DNAH14: variants seen among roughly 807,000 people sequenced by gnomAD.
DNAH14 encodes the protein dynein axonemal heavy chain 14.
A neutral mutation model predicts 520.9 loss-of-function variants in DNAH14; 478 were observed. The observed-to-expected ratio is 0.92, with a 90% CI of 0.85 to 0.99. The LOEUF (loss-of-function observed/expected upper bound fraction) is 0.99. Among genes scored for constraint, DNAH14 ranks in the 50% least tolerant of loss-of-function variants. The pLI is 0.00. For synonymous variants in DNAH14, 1,581 were observed against 1,757.2 expected, an observed-to-expected ratio of 0.90 and a Z score of 2.51; for missense variants, 4,831 against 5,234.5, an observed-to-expected ratio of 0.92 and a Z score of 2.38.
intron 17 of DNAH14, among the ~76,000 whole-genome samples, chr1:225,055,885 A>G (rs1322863917): frequency 6.6e-6 from 1 of 152,122 alleles, no homozygotes; most frequent in African/African-American, 2.4e-5. Context: ...TTATGGCTGC[A>G]TAGTATTCCA....
intron 64 of DNAH14, among the ~76,000 whole-genome samples, chr1:225,327,483 CA>C (rs1242270808): frequency 1.3e-5 from 2 of 152,038 alleles, no homozygotes; most frequent in Non-Finnish European, 2.9e-5. Context: ...CTTAAACAGC[CA>C]GTGGGTCACA....
chr1:225,399,179 T>C lies in DNAH14; in HGVS notation c.13764T>C (p.Phe4588=). The C allele has an allele frequency of 1.3e-6, 2 of 1,551,766 alleles. No individual in the cohort carries two copies. Among genetic ancestry groups the C allele is most frequent in the Non-Finnish European group, 1.7e-6 (2 of 1,147,010 alleles). The change falls in exon 86 of 86, where the codon TTT becomes TTC. Residue 4588 remains phenylalanine, a synonymous_variant. Transcript: ENST00000682510. ...CAACTACCGGTTTACCAACAAACTT[T>C]TTAACATCAGTGTATTTATCAACGA... ...ILATTGLPTN[F]LTSVYLSTKK... is the part of the protein sequence containing the mutation.
chr1:225,307,881 A>G (rs766081778), intron 59 of DNAH14, among the ~76,000 whole-genome samples: 23 of 152,240 alleles, frequency 1.5e-4, no homozygotes, highest in Non-Finnish European at 2.5e-4. Context: ...AATCCATCTG[A>G]AATATGCTGT....
intron 21 of DNAH14, among the ~76,000 whole-genome samples, chr1:225,091,166 A>T (rs892726125): frequency 1.3e-5 from 2 of 152,118 alleles, no homozygotes; most frequent in African/African-American, 4.8e-5. Flanking sequence ...TAGAAAACGT[A>T]TTTCAGGATA....
At chr1:225,314,425 C>T (rs1467701001) in intron 60 of DNAH14, among the ~76,000 whole-genome samples, 3 of 152,128 alleles carry the variant, frequency 2.0e-5, no homozygotes, top group Admixed American at 6.5e-5. Context: ...GGGCATTTAG[C>T]CCATTTACAT....
intron 22 of DNAH14, 43 bp downstream of exon 22, chr1:225,097,282 T>G: frequency 1.4e-6 from 2 of 1,473,916 alleles, no homozygotes; most frequent in Non-Finnish European, 1.8e-6. Context: ...CAAAATGCAT[T>G]GTGAGTAATT....
intron 66 of DNAH14, among the ~76,000 whole-genome samples, chr1:225,335,136 T>G (rs910258346): frequency 4.7e-5 from 6 of 127,188 alleles, no homozygotes; most frequent in African/African-American, 1.9e-4. Context: ...CATATGTGCA[T>G]GTGCACATGT....
At chr1:225,389,239 T>G (rs2095875658) in intron 82 of DNAH14, among the ~76,000 whole-genome samples, 1 of 152,120 alleles carries the variant, frequency 6.6e-6, no homozygotes, top group African/African-American at 2.4e-5. Flanking sequence ...ATTATCATCA[T>G]CCCCATTTTA....
At chr1:225,238,327 G>C (rs939163220) in intron 42 of DNAH14, among the ~76,000 whole-genome samples, 8 of 152,084 alleles carry the variant, frequency 5.3e-5, no homozygotes, top group Admixed American at 2.0e-4. Context: ...TATTCTTGTC[G>C]TTTTCTGTCT....
At chr1:225,281,798 T>A (rs1465163414) in intron 54 of DNAH14, among the ~76,000 whole-genome samples, 2 of 152,096 alleles carry the variant, frequency 1.3e-5, no homozygotes, top group African/African-American at 4.8e-5. Context: ...AAATAGATTG[T>A]GATTAAAAAT....
At chr1:225,287,246 C>T (rs910796178) in intron 54 of DNAH14, among the ~76,000 whole-genome samples, 1 of 151,810 alleles carries the variant, frequency 6.6e-6, no homozygotes, top group African/African-American at 2.4e-5. Context: ...TCTGGTAATC[C>T]CAGGATGAAA....
intron 4 of DNAH14, among the ~76,000 whole-genome samples, chr1:224,964,019 ACT>A (rs2060998948): frequency 6.6e-6 from 1 of 151,944 alleles, no homozygotes; most frequent in Non-Finnish European, 1.5e-5. Context: ...AAGAAAAGAG[ACT>A]CTTTCAAGAA....
intron 23 of DNAH14, among the ~76,000 whole-genome samples, chr1:225,114,462 G>T (rs2076712043): frequency 6.6e-6 from 1 of 152,154 alleles, no homozygotes; most frequent in Admixed American, 6.5e-5. Flanking sequence ...TTGGGGGAGA[G>T]GTGATGCAAG....
chr1:225,289,773 G>A, intron 54 of DNAH14, 112 bp from the exon 55 acceptor site: 1 of 658,198 alleles, frequency 1.5e-6, no homozygotes, highest in Non-Finnish European at 2.2e-6. Flanking sequence ...AATAAAAATA[G>A]TCTGGGGTAT....
At chr1:225,382,155 A>G (rs992690564) in intron 81 of DNAH14, among the ~76,000 whole-genome samples, 1 of 152,202 alleles carries the variant, frequency 6.6e-6, no homozygotes, top group Non-Finnish European at 1.5e-5. Context: ...ATGTGAAAAG[A>G]TGTTCAACAG....
chr1:225,052,188 A>G lies in DNAH14; in HGVS notation c.2424+393A>G, dbSNP rs534844755. 4.6e-5 allele frequency among the ~76,000 whole-genome samples: 7 copies of G among 152,200 alleles called. No individual in the cohort carries two copies. In the South Asian group the frequency reaches 1.5e-3, roughly 32 times the overall value. On this transcript the variant is annotated intron_variant, in intron 17 of 85. Transcript: ENST00000682510. ...GAGTATCTAAGATAAATCTTTGAAT[A>G]CAGATGAATATTGGAGTTTCACTGT...
At chr1:225,038,959 T>C (rs948405652) in intron 12 of DNAH14, 136 bp downstream of exon 12, 2 of 673,856 alleles carry the variant, frequency 3.0e-6, no homozygotes, top group Admixed American at 7.9e-5. Context: ...CACACACACT[T>C]AGCTGCTCCC....
intron 36 of DNAH14, among the ~76,000 whole-genome samples, chr1:225,177,802 A>T (rs1365751333): frequency 6.6e-6 from 1 of 152,134 alleles, no homozygotes; most frequent in East Asian, 1.9e-4. Context: ...TCTCATGGAG[A>T]ACCTCTGCTA....
Position 225,274,037 on chromosome 1 carries a change from G to A in DNAH14, c.8010+912G>A, listed in dbSNP as rs562361547. ...TGATAAAACGATTTATATTCCTTTG[G>A]ATATATACCCACTAATGGGATTGCT... On this transcript the variant is annotated intron_variant, in intron 52 of 85. Transcript: ENST00000682510. Among the ~76,000 whole-genome samples the A allele has an allele frequency of 7.0e-4, 107 of 152,016 alleles. 1 individual carries two copies. Among genetic ancestry groups the A allele is most frequent in the African/African-American group, 2.5e-3 (104 of 41,476 alleles).
Sources: gnomAD v4.1 joint callset for allele counts (sites outside exome capture counted in the v4.1 genomes callset) on GRCh38, gnomAD v4.1.1 for gene constraint, MANE v1.5 for transcripts, NCBI Gene and HGNC (gene_info 2026-07-23, HGNC 2026-07-21) for gene names.